The following ABCG8 variants were observed in gnomAD, a reference collection of about 807,000 sequenced individuals.
The protein encoded by ABCG8 is ATP binding cassette subfamily G member 8.
ABCG8 carries 81 observed loss-of-function variants against 71.3 expected under a neutral mutation model. The observed-to-expected ratio is 1.14, with a 90% CI of 0.95 to 1.37. The LOEUF is 1.37. ABCG8 is among the 40% of genes most tolerant of loss of function. ABCG8 has a pLI of 0.00. For synonymous variants in ABCG8, 451 were observed against 354.7 expected (o/e 1.27, Z -3.05); for missense variants, 1,119 against 866.2 (o/e 1.29, Z -3.66).
chr2:43,866,967 C>T (rs55984936), intron 6 of ABCG8, among the ~76,000 whole-genome samples: 53 of 151,350 alleles, frequency 3.5e-4, no homozygotes, highest in African/African-American at 1.2e-3. Flanking sequence ...CAATGATAGA[C>T]TGGATTAAGA....
rs1217812938 is a variant in ABCG8 at position 43,873,829 on chromosome 2, C to T, written c.1254C>T (p.Leu418=). ...ACTTCCGAGACCTGCCCACCCTCCT[C>T]ATCCATGGGGCGGAGGCCTGTCTGA... ...SNDFRDLPTL[L]IHGAEACLMS... Residue 418 remains leucine (L), a synonymous_variant, in exon 9 of 13, where the codon CTC becomes CTT. Coordinates refer to ENST00000272286, the MANE Select transcript of ABCG8 (RefSeq NM_022437.3). 3 of 1,614,162 alleles carry T rather than the reference C, an allele frequency of 1.9e-6. No homozygotes were observed. The highest frequency in any genetic ancestry group is 1.7e-5 in the Admixed American group (1 of 60,012).
chr2:43,871,359 G>GGATAGAACT (rs1669765267), intron 6 of ABCG8, among the ~76,000 whole-genome samples: 2 of 115,090 alleles, frequency 1.7e-5, no homozygotes, highest in African/African-American at 3.5e-5. Context: ...TGGATAGAAT[G>GGATAGAACT]CTCACTCTCT....
rs539600094 is a variant in ABCG8 at position 43,864,509 on chromosome 2, T to C, written c.965-7467T>C. On this transcript the variant is annotated intron_variant, in intron 6 of 12. Coordinates refer to ENST00000272286, the MANE Select transcript of ABCG8 (RefSeq NM_022437.3). Reference sequence around the variant, plus strand: ...CTAGATAGAATTCTCACCCTCTGGATAGATCTCTCACCATCTGTCTGGGTA... The same window carrying C: ...CTAGATAGAATTCTCACCCTCTGGACAGATCTCTCACCATCTGTCTGGGTA... 2.6e-5 allele frequency among the ~76,000 whole-genome samples: 4 copies of C among 151,898 alleles called. No individual in the cohort carries two copies. In the East Asian group the frequency reaches 7.7e-4, roughly 29 times the overall value.
rs750352877 is a variant in ABCG8, at chr2:43,851,740, A to G, written c.479A>G (p.Asn160Ser). ...HVRQHNQLLP[N>S]LTVRETLAFI... ...CGCCAGCACAACCAGCTGCTCCCCA[A>G]CTTGACTGTGCGAGAGACCTTGGCC... Residue 160 changes from asparagine (N) to serine (S), a missense_variant, in exon 4 of 13, where the codon AAC becomes AGC. Physicochemically the swap from Asn to Ser is conservative, Grantham distance 46. Transcript: ENST00000272286. 13 of 1,614,218 alleles carry G rather than the reference A, an allele frequency of 8.1e-6. No individual in the cohort carries two copies. The East Asian group carries it at 1.3e-4, about 17-fold the overall frequency.
At chr2:43,876,917 GGGGAGATCATGTGAATATGC>G (rs1669977763) in intron 11 of ABCG8, among the ~76,000 whole-genome samples, 1 of 151,460 alleles carries the variant, frequency 6.6e-6, no homozygotes. Flanking sequence ...GTGGGAATAT[GGGGAGATCATGTGAATATGC>G]AGGAGACCGT....
At chr2:43,866,641 A>G (rs1367880753) in intron 6 of ABCG8, among the ~76,000 whole-genome samples, 9 of 152,224 alleles carry the variant, frequency 5.9e-5, no homozygotes, top group Non-Finnish European at 8.8e-5. Context: ...CAAAACCACA[A>G]TGAGATACCA....
rs181799688 is a variant in ABCG8 at position 43,845,811 on chromosome 2, G to A, written c.166-344G>A. ...TAATTTTTGTATTTTTAGTAGAGGCGGGGTTTTACCATGTTGGCCAGGCTG... is the reference window on the plus strand; with the variant it reads ...TAATTTTTGTATTTTTAGTAGAGGCAGGGTTTTACCATGTTGGCCAGGCTG... On this transcript the variant is annotated intron_variant, in intron 2 of 12. Coordinates refer to ENST00000272286, the MANE Select transcript of ABCG8 (RefSeq NM_022437.3). 1.1e-3 allele frequency among the ~76,000 whole-genome samples: 161 copies of A among 151,782 alleles called. 1 individual carries two copies. Among genetic ancestry groups the A allele is most frequent in the African/African-American group, 3.7e-3 (154 of 41,366 alleles).
rs1184040962 is a variant in ABCG8, at chr2:43,881,746, C to A, written c.*3833C>A. The A allele has an allele frequency of 1.3e-5, 2 of 150,798 alleles. No homozygotes were observed. The highest frequency in any genetic ancestry group is 4.9e-5 in the African/African-American group (2 of 40,966). The allele number at this position is 150,798 out of a possible 1,614,324, so 9.3% of individuals were successfully genotyped here. Reference sequence around the variant, plus strand: ...AAAAACCCAAGGCTCTCGAGGCATGCATGCTGTTCAGCGAGCCCTGCCCTG... The same window carrying A: ...AAAAACCCAAGGCTCTCGAGGCATGAATGCTGTTCAGCGAGCCCTGCCCTG... On this transcript the variant is annotated 3_prime_UTR_variant, in exon 13 of 13. Coordinates refer to ENST00000272286, the MANE Select transcript of ABCG8 (RefSeq NM_022437.3).
chr2:43,845,361 T>G (rs1413476353), intron 2 of ABCG8, among the ~76,000 whole-genome samples: 2 of 152,060 alleles, frequency 1.3e-5, no homozygotes, highest in African/African-American at 4.8e-5. Context: ...TTCTCTGCTC[T>G]GCCACTTACC....
chr2:43,876,099 G>A (rs886355199), intron 11 of ABCG8, among the ~76,000 whole-genome samples: 3 of 152,120 alleles, frequency 2.0e-5, no homozygotes, highest in Non-Finnish European at 4.4e-5. Context: ...AGGCTCCATT[G>A]TCTCTGGTGT....
intron 6 of ABCG8, among the ~76,000 whole-genome samples, chr2:43,867,459 A>C (rs1669570941): frequency 6.6e-6 from 1 of 152,168 alleles, no homozygotes; most frequent in South Asian, 2.1e-4. Context: ...CACCATCTGG[A>C]TAGAACTCTC....
chr2:43,874,446 A>G lies in ABCG8; in HGVS notation c.1451A>G (p.Asp484Gly). Residue 484 changes from aspartate to glycine, a missense_variant, in exon 10 of 13, where the codon GAC becomes GGC. By Grantham distance (94) the Asp-to-Gly change is moderately conservative. Transcript: ENST00000272286. ...GCAATGCTTTACTATGAACTGGAAGACGGGCTGTACACCACTGGTCCATAT... is the reference window on the plus strand; with the variant it reads ...GCAATGCTTTACTATGAACTGGAAGGCGGGCTGTACACCACTGGTCCATAT... ...ERAMLYYELEDGLYTTGPYFF... is the reference protein window; with the variant it reads ...ERAMLYYELEGGLYTTGPYFF... The G allele has an allele frequency of 2.5e-6, 4 of 1,613,918 alleles. No individual in the cohort carries two copies. The highest frequency in any genetic ancestry group is 1.1e-5 in the South Asian group (1 of 91,076).
At chr2:43,840,326 G>A (rs560612414) in intron 1 of ABCG8, among the ~76,000 whole-genome samples, 38 of 152,282 alleles carry the variant, frequency 2.5e-4, no homozygotes, top group African/African-American at 8.4e-4. Flanking sequence ...CCACCACTTC[G>A]GGAAATGTTT....
chr2:43,846,446 T>C (rs1300143625), intron 3 of ABCG8, 135 bp downstream of exon 3: 13 of 1,331,508 alleles, frequency 9.8e-6, no homozygotes, highest in Non-Finnish European at 1.3e-5. Context: ...AGAACACAGG[T>C]TCTGGGTCAG....
intron 11 of ABCG8, among the ~76,000 whole-genome samples, chr2:43,875,719 CTG>C (rs1222531557): frequency 6.6e-6 from 1 of 152,234 alleles, no homozygotes; most frequent in East Asian, 1.9e-4. Flanking sequence ...GTCTGCTTGG[CTG>C]TGTCTCCATC....
Position 43,877,639 on chromosome 2 carries a change from C to T in ABCG8, c.1835C>T (p.Thr612Ile). The T allele has an allele frequency of 5.0e-6, 8 of 1,614,110 alleles. No homozygotes were observed. Among genetic ancestry groups the T allele is most frequent in the Non-Finnish European group, 6.8e-6 (8 of 1,180,006 alleles). ...ATGAAGATTCAGTTCAGCAGAAGAACTTATAAAATGCCTCTCGGGAACCTC... is the reference window on the plus strand; with the variant it reads ...ATGAAGATTCAGTTCAGCAGAAGAATTTATAAAATGCCTCTCGGGAACCTC... ...GLMKIQFSRR[T>I]YKMPLGNLTI... The change falls in exon 12 of 13, where the codon ACT becomes ATT. Residue 612 changes from threonine to isoleucine, a missense_variant. By Grantham distance (89) the Thr-to-Ile change is moderately conservative (BLOSUM62 -1). Coordinates refer to ENST00000272286, the MANE Select transcript of ABCG8 (RefSeq NM_022437.3).
intron 6 of ABCG8, among the ~76,000 whole-genome samples, chr2:43,870,844 C>T (rs1669740080): frequency 2.0e-5 from 3 of 152,042 alleles, no homozygotes; most frequent in Admixed American, 2.0e-4. Context: ...CTCTCACTGT[C>T]TATCTGGATA....
At chr2:43,845,741 C>A (rs1255575998) in intron 2 of ABCG8, among the ~76,000 whole-genome samples, 1 of 152,166 alleles carries the variant, frequency 6.6e-6, no homozygotes, top group Non-Finnish European at 1.5e-5. Flanking sequence ...CCTGCCTCAG[C>A]CTCCCAAGTA....
rs1356812987 is a variant in ABCG8, at chr2:43,846,418, A to G, written c.322+107A>G. The G allele has an allele frequency of 2.0e-6, 3 of 1,467,784 alleles. No homozygotes were observed. The East Asian group carries it at 6.9e-5, about 34-fold the overall frequency. The allele number at this position is 1,467,784 out of a possible 1,614,324, so 90.9% of individuals were successfully genotyped here. A position where few individuals can be genotyped will look rare whatever the true frequency, so the allele number is the denominator to read the frequency against. The stretch of plus-strand genomic sequence containing the variant: ...GGAGCTCTTTGCTGACTAGTAGAAT[A>G]ATACAGCAGAATGGCTGAGAACACA... On this transcript the variant is annotated intron_variant, in intron 3 of 12. Coordinates refer to ENST00000272286, the MANE Select transcript of ABCG8 (RefSeq NM_022437.3).
Sources: allele counts gnomAD v4.1 joint callset (sites outside exome capture counted in the v4.1 genomes callset), GRCh38; gene constraint gnomAD v4.1.1; transcripts MANE v1.5; gene names NCBI Gene and HGNC (gene_info 2026-07-23, HGNC 2026-07-21).